Variants in OR1L8 observed in about 807,000 individuals in gnomAD.
The protein encoded by OR1L8 is olfactory receptor family 1 subfamily L member 8.
For synonymous variants in OR1L8, 148 were observed against 147.0 expected, an observed-to-expected ratio of 1.01 and a Z score of -0.05; for missense variants, 330 against 377.4, an observed-to-expected ratio of 0.87 and a Z score of 1.04.
intron 3 of OR1L8, among the ~76,000 whole-genome samples, 173 bp from the exon 4 acceptor site, chr9:122,573,081 CTT>C (rs1361898989): frequency 6.6e-6 from 1 of 152,208 alleles, no homozygotes; most frequent in Non-Finnish European, 1.5e-5. Context: ...GGCAAGGACT[CTT>C]TTGATTGTGG....
At chr9:122,574,373 A>T (rs1829604290) in intron 3 of OR1L8, among the ~76,000 whole-genome samples, 1 of 152,074 alleles carries the variant, frequency 6.6e-6, no homozygotes, top group African/African-American at 2.4e-5. Context: ...ATCTTTCATC[A>T]TGGTTTTGTG....
At chr9:122,546,349 G>A in the OR1L8 span, among the ~76,000 whole-genome samples, 10 of 152,256 alleles carry the variant, frequency 6.6e-5, no homozygotes, top group East Asian at 1.9e-4. Context: ...TGACTTGTTT[G>A]ACCAATAGAA....
chr9:122,566,447 T>C (rs1315275399), downstream of OR1L8, among the ~76,000 whole-genome samples: 1 of 152,230 alleles, frequency 6.6e-6, no homozygotes, highest in Non-Finnish European at 1.5e-5. Flanking sequence ...ATTTATATAA[T>C]GTTTTAATGT....
chr9:122,566,599 C>T (rs893469745), downstream of OR1L8, among the ~76,000 whole-genome samples: 3 of 152,156 alleles, frequency 2.0e-5, no homozygotes, highest in African/African-American at 7.2e-5. Flanking sequence ...GCATCTTTCT[C>T]CATTTCCCTA....
chr9:122,565,880 C>T (rs537091153), downstream of OR1L8, among the ~76,000 whole-genome samples: 2 of 152,194 alleles, frequency 1.3e-5, no homozygotes, highest in African/African-American at 2.4e-5. Context: ...AGAATACACA[C>T]AGTCAAGAAC....
At chr9:122,559,688 CTGTT>C in the OR1L8 span, among the ~76,000 whole-genome samples, 6,883 of 99,202 alleles carry the variant, frequency 0.069, 220 homozygotes, top group Middle Eastern at 0.091. Context: ...GTCTGAGAGA[CTGTT>C]TGTTATTTTT....
the OR1L8 span, among the ~76,000 whole-genome samples, chr9:122,548,273 G>A: frequency 2.0e-5 from 3 of 152,140 alleles, no homozygotes; most frequent in Non-Finnish European, 4.4e-5. Flanking sequence ...GTAGTTAATT[G>A]GGTGGAATTG....
At chr9:122,555,088 A>G in the OR1L8 span, among the ~76,000 whole-genome samples, 4 of 152,192 alleles carry the variant, frequency 2.6e-5, no homozygotes, top group African/African-American at 4.8e-5. Context: ...GTTTTGAAAC[A>G]TGTAGATATT....
chr9:122,558,601 C>G, the OR1L8 span, among the ~76,000 whole-genome samples: 1 of 151,506 alleles, frequency 6.6e-6, no homozygotes, highest in Non-Finnish European at 1.5e-5. Context: ...AATATTTCAT[C>G]TGAGTTTTAT....
chr9:122,550,523 A>T, the OR1L8 span, among the ~76,000 whole-genome samples: 2 of 152,066 alleles, frequency 1.3e-5, no homozygotes, highest in Non-Finnish European at 2.9e-5. Context: ...ACTGAATCCA[A>T]CAGCACATCA....
chr9:122,580,472 A>C (rs1258571898), intron 1 of OR1L8, among the ~76,000 whole-genome samples: 1 of 152,194 alleles, frequency 6.6e-6, no homozygotes, highest in Non-Finnish European at 1.5e-5. Flanking sequence ...GTAATAATGT[A>C]AGTTTCCATA....
the OR1L8 span, chr9:122,553,347 C>A: frequency 3.1e-6 from 5 of 1,613,990 alleles, no homozygotes; most frequent in East Asian, 4.5e-5. Flanking sequence ...GGTGGGGAAC[C>A]TGCTCATTAT....
the OR1L8 span, among the ~76,000 whole-genome samples, chr9:122,549,479 A>G: frequency 6.6e-6 from 1 of 152,042 alleles, no homozygotes; most frequent in Admixed American, 6.6e-5. Flanking sequence ...TTCTTCTAGG[A>G]TTTGTATAGT....
chr9:122,553,758 G>C, the OR1L8 span: 14 of 1,614,014 alleles, frequency 8.7e-6, no homozygotes, highest in Non-Finnish European at 1.2e-5. Context: ...TTTCTATTGT[G>C]ATCCTAGTGC....
At chr9:122,552,255 C>T in the OR1L8 span, among the ~76,000 whole-genome samples, 1 of 152,044 alleles carries the variant, frequency 6.6e-6, no homozygotes, top group Non-Finnish European at 1.5e-5. Flanking sequence ...TCTACAAGAT[C>T]AATATGAAAT....
chr9:122,570,625 C>T (rs1307894542), intron 4 of OR1L8, among the ~76,000 whole-genome samples: 4 of 152,178 alleles, frequency 2.6e-5, no homozygotes, highest in Non-Finnish European at 5.9e-5. Context: ...TCAGGACAAG[C>T]TGTTCCCCAG....
At chr9:122,582,510 G>T (rs1252120230) in intron 1 of OR1L8, among the ~76,000 whole-genome samples, 1 of 152,002 alleles carries the variant, frequency 6.6e-6, no homozygotes, top group Non-Finnish European at 1.5e-5. Flanking sequence ...GAGTTCGGGA[G>T]TTTGGGGCCA....
chr9:122,559,905 A>T, the OR1L8 span, among the ~76,000 whole-genome samples: 1 of 152,192 alleles, frequency 6.6e-6, no homozygotes, highest in Non-Finnish European at 1.5e-5. Flanking sequence ...TGTCTCATTG[A>T]TCAGTCTAAT....
At chr9:122,550,407 G>T in the OR1L8 span, among the ~76,000 whole-genome samples, 2 of 151,976 alleles carry the variant, frequency 1.3e-5, no homozygotes, top group Non-Finnish European at 2.9e-5. Flanking sequence ...TACAAAGCAG[G>T]TATCACCTGG....
Sources: gnomAD v4.1 joint callset for allele counts (sites outside exome capture counted in the v4.1 genomes callset) on GRCh38, gnomAD v4.1.1 for gene constraint, MANE v1.5 for transcripts, NCBI Gene and HGNC (gene_info 2026-07-23, HGNC 2026-07-21) for gene names.